Variants in CCDC150 observed in about 807,000 individuals in gnomAD.
CCDC150 encodes the protein coiled-coil domain-containing protein 150.
Under a neutral mutation model 156.5 loss-of-function variants are expected in CCDC150, and 151 were observed. That is an observed-to-expected ratio of 0.97 (90% CI 0.85 to 1.10). The LOEUF (loss-of-function observed/expected upper bound fraction) is 1.10. CCDC150 is among the 50% of genes least tolerant of loss of function. The pLI, the probability that CCDC150 is intolerant of heterozygous loss-of-function variation, is 0.00. For synonymous variants in CCDC150, 452 were observed against 429.4 expected (o/e 1.05, Z -0.65); for missense variants, 1,312 against 1,268.1 (o/e 1.03, Z -0.53).
At chr2:196,715,634 C>T (rs139152941) in intron 17 of CCDC150, among the ~76,000 whole-genome samples, 7 of 152,244 alleles carry the variant, frequency 4.6e-5, no homozygotes, top group African/African-American at 1.7e-4. Flanking sequence ...TTTCAACAAA[C>T]GGTGCCGGGA....
chr2:196,640,695 C>T (rs1177482268), intron 1 of CCDC150, among the ~76,000 whole-genome samples: 2 of 152,226 alleles, frequency 1.3e-5, no homozygotes, highest in African/African-American at 4.8e-5. Flanking sequence ...CCTCATATCT[C>T]ATATCTAATG....
At position 196,656,707 on chromosome 2, in the gene CCDC150, C is replaced by G; in HGVS notation, c.251C>G (p.Ala84Gly). 1 of 1,613,708 alleles carries G rather than the reference C, an allele frequency of 6.2e-7. No homozygotes were observed. Among genetic ancestry groups the G allele is most frequent in the South Asian group, 1.1e-5 (1 of 91,058 alleles). Residue 84 changes from alanine (A) to glycine (G), a missense_variant, in exon 3 of 28, where the codon GCA (alanine) becomes GGA (glycine). Coordinates refer to ENST00000389175, the MANE Select transcript of CCDC150 (RefSeq NM_001080539.2). ...GTCATTAGTCCTATCCAAAATGAAG[C>G]AATTTGTGCAGGAAAAACAGATATT... The part of the protein sequence containing the change: ...QKVISPIQNE[A>G]ICAGKTDILW...
Position 196,719,646 on chromosome 2 carries a change from T to G in CCDC150, c.2145T>G (p.Ile715Met). 6.2e-7 allele frequency: 1 copy of G among 1,610,112 alleles called. No homozygotes were observed. Among genetic ancestry groups the G allele is most frequent in the Middle Eastern group, 1.7e-4 (1 of 6,054 alleles). Residue 715 changes from isoleucine to methionine, a missense_variant, in exon 19 of 28, where the codon ATT becomes ATG. Ile to Met is a conservative substitution (Grantham distance 10). Transcript: ENST00000389175. Reference sequence around the variant, plus strand: ...AGCTTGGGCGGAGGGATTCAGAGATTGCAGGCCTCAAGAAAGAAAGGTACC... The same window carrying G: ...AGCTTGGGCGGAGGGATTCAGAGATGGCAGGCCTCAAGAAAGAAAGGTACC... ...QIELGRRDSE[I>M]AGLKKERDLN...
At chr2:196,670,928 C>A (rs1694164415) in intron 8 of CCDC150, among the ~76,000 whole-genome samples, 1 of 152,170 alleles carries the variant, frequency 6.6e-6, no homozygotes, top group Non-Finnish European at 1.5e-5. Context: ...CAAATACCTT[C>A]TGCCCCTATT....
intron 13 of CCDC150, among the ~76,000 whole-genome samples, chr2:196,685,615 CTT>C (rs898846927): frequency 6.9e-6 from 1 of 144,538 alleles, no homozygotes. Context: ...TTTTTCTTTT[CTT>C]TTTTTTTTTT....
rs775787943 is a variant in CCDC150 at position 196,720,644 on chromosome 2, C to G, written c.2235C>G (p.Val745=). The change falls in exon 20 of 28, where the codon GTC becomes GTG. Residue 745 remains valine, a synonymous_variant. Coordinates refer to ENST00000389175, the MANE Select transcript of CCDC150 (RefSeq NM_001080539.2). ...ACCAGTGGCAGGCCAGGATGCTTGT[C>G]ATGGAGGACCAGCACAACAGTGAGG... The part of the protein sequence containing the change: ...EVDQWQARML[V]MEDQHNSEIE... 1 of 1,613,802 alleles carries G rather than the reference C, an allele frequency of 6.2e-7. No individual in the cohort carries two copies. The highest frequency in any genetic ancestry group is 8.5e-7 in the Non-Finnish European group (1 of 1,179,828).
Position 196,725,978 on chromosome 2 carries a change from G to A in CCDC150, c.2435G>A (p.Arg812Gln), listed in dbSNP as rs375523206. ...ERQNLETFKDRMTEESKVEAE... is the reference protein window; with the variant it reads ...ERQNLETFKDQMTEESKVEAE... Reference sequence around the variant, plus strand: ...ACCTCTCTTCTTCAAAACAGAGACCGGATGACTGAAGAGTCCAAAGTGGAA... The same window carrying A: ...ACCTCTCTTCTTCAAAACAGAGACCAGATGACTGAAGAGTCCAAAGTGGAA... Residue 812 changes from arginine to glutamine, a missense_variant, in exon 22 of 28, where the codon CGG (arginine) becomes CAG (glutamine). Coordinates refer to ENST00000389175, the MANE Select transcript of CCDC150 (RefSeq NM_001080539.2). 67 of 1,594,800 alleles carry A rather than the reference G, an allele frequency of 4.2e-5. No individual in the cohort carries two copies. Among genetic ancestry groups the A allele is most frequent in the Non-Finnish European group, 5.3e-5 (62 of 1,170,200 alleles).
At chr2:196,714,851 A>G (rs907261002) in intron 17 of CCDC150, among the ~76,000 whole-genome samples, 1 of 152,202 alleles carries the variant, frequency 6.6e-6, no homozygotes, top group South Asian at 2.1e-4. Context: ...AATTTTTAAA[A>G]TGATATTCTT....
At chr2:196,721,164 A>G (rs990046600) in intron 20 of CCDC150, among the ~76,000 whole-genome samples, 4 of 150,966 alleles carry the variant, frequency 2.6e-5, no homozygotes, top group African/African-American at 9.7e-5. Context: ...TTTTTCTTCA[A>G]GGGAGTGAGA....
chr2:196,722,659 T>C (rs1697989057), intron 21 of CCDC150, among the ~76,000 whole-genome samples: 1 of 152,154 alleles, frequency 6.6e-6, no homozygotes, highest in Admixed American at 6.5e-5. Flanking sequence ...TTTCCAGATA[T>C]ATGATCTCTG....
At chr2:196,696,980 A>G (rs916188070) in intron 14 of CCDC150, among the ~76,000 whole-genome samples, 1 of 152,158 alleles carries the variant, frequency 6.6e-6, no homozygotes, top group Non-Finnish European at 1.5e-5. Context: ...ATGGCCTGCA[A>G]TGCCAAGAGG....
chr2:196,723,412 C>T (rs1293355544), intron 21 of CCDC150, among the ~76,000 whole-genome samples: 1 of 152,148 alleles, frequency 6.6e-6, no homozygotes, highest in Non-Finnish European at 1.5e-5. Flanking sequence ...AGGAGAATCG[C>T]TTGAACCTGG....
Position 196,672,392 on chromosome 2 carries a change from G to T in CCDC150, c.984G>T (p.Leu328Phe). 1 of 1,548,328 alleles carries T rather than the reference G, an allele frequency of 6.5e-7. No homozygotes were observed. The highest frequency in any genetic ancestry group is 8.7e-7 in the Non-Finnish European group (1 of 1,150,110). Residue 328 changes from leucine to phenylalanine, a missense_variant, in exon 9 of 28, where the codon TTG (leucine) becomes TTT (phenylalanine). By Grantham distance (22) the Leu-to-Phe change is conservative. Transcript: ENST00000389175. ...FNKEHEENAY[L>F]RSEIMSLHEA... ...AGGAACATGAAGAAAATGCATATTT[G>T]AGGTCCGAAATAATGTCTCTTCATG...
chr2:196,692,579 C>G (rs1695557993), intron 13 of CCDC150, among the ~76,000 whole-genome samples: 1 of 152,172 alleles, frequency 6.6e-6, no homozygotes, highest in Non-Finnish European at 1.5e-5. Context: ...AATTTCATTA[C>G]TTACCCAGGA....
intron 21 of CCDC150, among the ~76,000 whole-genome samples, chr2:196,722,258 G>A (rs573352988): frequency 5.9e-5 from 9 of 152,052 alleles, no homozygotes; most frequent in Admixed American, 1.3e-4. Flanking sequence ...CAGTGTGCAC[G>A]TACATCTTTA....
At chr2:196,682,920 C>T (rs1279950068) in intron 13 of CCDC150, among the ~76,000 whole-genome samples, 2 of 151,936 alleles carry the variant, frequency 1.3e-5, no homozygotes, top group East Asian at 3.9e-4. Context: ...TGTTGCCTGG[C>T]TGGTCTCGAA....
At chr2:196,674,407 G>A (rs1221408998) in intron 10 of CCDC150, 59 bp downstream of exon 10, 1 of 917,626 alleles carries the variant, frequency 1.1e-6, no homozygotes. Context: ...ATCAGGAAAT[G>A]TTTATGGCCA....
At position 196,674,329 on chromosome 2, in the gene CCDC150, AC is replaced by A; in HGVS notation, c.1120del (p.His374IlefsTer7). 1.2e-6 allele frequency: 2 copies of A among 1,600,444 alleles called. No individual in the cohort carries two copies. The highest frequency in any genetic ancestry group is 1.7e-6 in the Non-Finnish European group (2 of 1,172,826). On this transcript the variant is annotated frameshift_variant, in exon 10 of 28. Transcript: ENST00000389175. LOFTEE classifies it high-confidence loss of function. The stretch of plus-strand genomic sequence containing the variant: ...ATGGAAAAAGCCAGAATCATTGCTG[AC>A]CATCAGGCCATTCTGCAGGTATTCG... ...VTMEKARIIA[D>X]HQAILQVEQK... is the part of the protein sequence containing the mutation.
At chr2:196,643,074 G>C (rs1692331565) in intron 1 of CCDC150, among the ~76,000 whole-genome samples, 1 of 152,168 alleles carries the variant, frequency 6.6e-6, no homozygotes, top group Non-Finnish European at 1.5e-5. Flanking sequence ...ATCCCCAAAG[G>C]CTAGATTGGC....
Sources: gnomAD v4.1 joint callset for allele counts (sites outside exome capture counted in the v4.1 genomes callset) on GRCh38, gnomAD v4.1.1 for gene constraint, MANE v1.5 for transcripts, NCBI Gene and HGNC (gene_info 2026-07-23, HGNC 2026-07-21) for gene names.